The following ZNF436 variants were observed in gnomAD, a reference collection of about 807,000 sequenced individuals.
The protein encoded by ZNF436 is DNA-binding protein.
Under a neutral mutation model 41.9 loss-of-function variants are expected in ZNF436, and 22 were observed. The ratio of observed to expected loss-of-function variants is 0.53; its 90% confidence interval spans 0.38 to 0.75. The LOEUF is 0.75. Among genes scored for constraint, ZNF436 ranks in the 30% least tolerant of loss-of-function variants. ZNF436 has a pLI of 0.00. For synonymous variants in ZNF436, 217 were observed against 197.8 expected (o/e 1.10, Z -0.82); for missense variants, 506 against 587.3 (o/e 0.86, Z 1.43).
At position 23,362,205 on chromosome 1, in the gene ZNF436, T is replaced by G. The variant is rs748131393; in HGVS notation, c.1177A>C (p.Asn393His). The G allele has an allele frequency of 7.4e-6, 12 of 1,613,990 alleles. No homozygotes were observed. The highest frequency in any genetic ancestry group is 1.3e-5 in the African/African-American group (1 of 74,868). ...TCACCAAAGCTTCGCCAACACTCATTACACTCATAAGGCTTCTCTCCAGTG... is the reference window on the plus strand; with the variant it reads ...TCACCAAAGCTTCGCCAACACTCATGACACTCATAAGGCTTCTCTCCAGTG... Reference protein sequence around the residue: ...IHTGEKPYECNECWRSFGERS... With the variant: ...IHTGEKPYECHECWRSFGERS... Residue 393 changes from asparagine to histidine, a missense_variant, in exon 4 of 4, where the codon AAT (asparagine) becomes CAT (histidine). Asn to His is a moderately conservative substitution (Grantham distance 68). Transcript: ENST00000314011.
At position 23,369,714 on chromosome 1, in the gene ZNF436, C is replaced by CT. The variant is rs1438590555; in HGVS notation, c.-410dup. 2.4e-6 allele frequency: 1 copy of CT among 420,876 alleles called. No individual in the cohort carries two copies. The highest frequency in any genetic ancestry group is 2.1e-5 in the African/African-American group (1 of 48,420). The allele number at this position is 420,876 out of a possible 1,614,324, so 26.1% of individuals were successfully genotyped here. A position where few individuals can be genotyped will look rare whatever the true frequency, so the allele number is the denominator to read the frequency against. On this transcript the variant is annotated 5_prime_UTR_variant, in exon 1 of 4. It removes the in-frame stop codon of an upstream open reading frame in the 5' UTR. Transcript: ENST00000314011. ...GCTGGAGTTCCTCGGAACGGGAGGA[C>CT]TCGCAGCTCTCCCTTTCCCCAGCCA...
chr1:23,368,174 CGGGTCA>C, intron 1 of ZNF436, 109 bp from the exon 2 acceptor site: 1 of 690,534 alleles, frequency 1.4e-6, no homozygotes, highest in Non-Finnish European at 2.4e-6. Context: ...GGACCAGGGC[CGGGTCA>C]CTCTCCTCCC....
chr1:23,367,849 G>C lies in ZNF436; in HGVS notation c.33+124C>G, dbSNP rs77956422. ...CTGGCCTGGTACTAGGCCCCTGGAG[G>C]CAGAATATCGAAGCCAGCGAATTAC... On this transcript the variant is annotated intron_variant, in intron 2 of 3. Transcript: ENST00000314011. 4,821 of 1,076,658 alleles carry C rather than the reference G, an allele frequency of 4.5e-3. 20 individuals carry two copies. The highest frequency in any genetic ancestry group is 5.7e-3 in the Non-Finnish European group (4,056 of 713,046). 66.7% of individuals were successfully genotyped at this position (1,076,658 alleles called of 1,614,324 possible). A position where few individuals can be genotyped will look rare whatever the true frequency, so the allele number is the denominator to read the frequency against.
At chr1:23,365,558 A>G (rs1244232630) in intron 3 of ZNF436, among the ~76,000 whole-genome samples, 1 of 150,572 alleles carries the variant, frequency 6.6e-6, no homozygotes, top group Non-Finnish European at 1.5e-5. Flanking sequence ...CACTAAAAAT[A>G]CAAAAATTAG....
chr1:23,369,716 C>A lies in ZNF436; in HGVS notation c.-411G>T. The A allele has an allele frequency of 2.4e-6, 1 of 417,844 alleles. No homozygotes were observed. Among genetic ancestry groups the A allele is most frequent in the Non-Finnish European group, 5.0e-6 (1 of 199,670 alleles). 25.9% of individuals were successfully genotyped at this position (417,844 alleles called of 1,614,324 possible). A position where few individuals can be genotyped will look rare whatever the true frequency, so the allele number is the denominator to read the frequency against. Reference sequence around the variant, plus strand: ...TGGAGTTCCTCGGAACGGGAGGACTCGCAGCTCTCCCTTTCCCCAGCCAGG... The same window carrying A: ...TGGAGTTCCTCGGAACGGGAGGACTAGCAGCTCTCCCTTTCCCCAGCCAGG... On this transcript the variant is annotated 5_prime_UTR_variant, in exon 1 of 4. An upstream open reading frame in the 5' UTR gains an earlier in-frame stop. Transcript: ENST00000314011.
chr1:23,367,927 A>G (rs1327986220), intron 2 of ZNF436, 46 bp downstream of exon 2: 11 of 1,608,568 alleles, frequency 6.8e-6, no homozygotes, highest in Non-Finnish European at 4.3e-6. Flanking sequence ...ACGCCGGACG[A>G]GGTGGGTAAG....
intron 1 of ZNF436, 188 bp downstream of exon 1, chr1:23,369,178 C>CGG (rs561674504): frequency 6.0e-5 from 23 of 385,410 alleles, no homozygotes; most frequent in Middle Eastern, 1.1e-3. Context: ...CAGGCCCCTG[C>CGG]GGGGGGGGCG....
intron 1 of ZNF436, chr1:23,369,130 A>C (rs1386338434): frequency 3.4e-6 from 1 of 289,860 alleles, no homozygotes; most frequent in African/African-American, 2.2e-5. Context: ...GGGACTCAGA[A>C]GCGGGTGGCG....
intron 3 of ZNF436, among the ~76,000 whole-genome samples, chr1:23,363,998 TGCCACC>T (rs1638302481): frequency 6.6e-6 from 1 of 152,000 alleles, no homozygotes. Flanking sequence ...GCTGTGATTG[TGCCACC>T]GCACACCAAT....
chr1:23,363,317 C>G (rs548272806), intron 3 of ZNF436, 96 bp from the exon 4 acceptor site: 17 of 990,046 alleles, frequency 1.7e-5, no homozygotes, highest in Admixed American at 2.7e-5. Context: ...TAGACAGAGT[C>G]TCACTGTGTT....
At chr1:23,368,834 C>T (rs1638426654) in intron 1 of ZNF436, among the ~76,000 whole-genome samples, 1 of 152,222 alleles carries the variant, frequency 6.6e-6, no homozygotes, top group South Asian at 2.1e-4. Flanking sequence ...CCGCCCACTC[C>T]CCAGGGGAGA....
chr1:23,367,198 C>CT (rs1638378503), intron 2 of ZNF436, 30 bp from the exon 3 acceptor site: 2 of 1,575,918 alleles, frequency 1.3e-6, no homozygotes, highest in Admixed American at 3.9e-5. Flanking sequence ...CCCTACTATT[C>CT]TGTATTTAGG....
rs752292460 is a variant in ZNF436 at position 23,362,969 on chromosome 1, T to A, written c.413A>T (p.His138Leu). ...HKEVHTGIRY[H>L]ICSHCGKAFS... ...GGCCTTTCCACAATGAGAACATATATGATAGCGGATGCCTGTGTGGACTTC... is the reference window on the plus strand; with the variant it reads ...GGCCTTTCCACAATGAGAACATATAAGATAGCGGATGCCTGTGTGGACTTC... The change falls in exon 4 of 4, where the codon CAT becomes CTT. Residue 138 changes from histidine to leucine, a missense_variant. His to Leu is a moderately conservative substitution (Grantham distance 99). This residue lies in a region of ZNF436 where 228 missense variants were observed against 215.1 expected (regional missense o/e 1.06). Coordinates refer to ENST00000314011, the MANE Select transcript of ZNF436 (RefSeq NM_001077195.2). 6.2e-7 allele frequency: 1 copy of A among 1,614,226 alleles called. No individual in the cohort carries two copies. Among genetic ancestry groups the A allele is most frequent in the South Asian group, 1.1e-5 (1 of 91,080 alleles).
Position 23,366,893 on chromosome 1 carries a change from A to T in ZNF436, c.160+149T>A, listed in dbSNP as rs1225521407. ...GACAATATGACCTGGATGTTCCCAT[A>T]TTCAAAGATCTGCCTGAGGACTCAA... On this transcript the variant is annotated intron_variant, in intron 3 of 3. Transcript: ENST00000314011. 3 of 844,358 alleles carry T rather than the reference A, an allele frequency of 3.6e-6. No homozygotes were observed. In the East Asian group the frequency reaches 8.2e-5, roughly 23 times the overall value. The allele number at this position is 844,358 out of a possible 1,614,324, so 52.3% of individuals were successfully genotyped here.
Position 23,362,557 on chromosome 1 carries a change from C to G in ZNF436, c.825G>C (p.Glu275Asp). The stretch of plus-strand genomic sequence containing the variant: ...CACATTCGTTACATTCATAAGGTTT[C>G]TCACCCGTGTGGGTCCTCTGGTGCT... The part of the protein sequence containing the change: ...LAQHQRTHTG[E>D]KPYECNECGR... The change falls in exon 4 of 4, where the codon GAG becomes GAC. Residue 275 changes from glutamate (E) to aspartate (D), a missense_variant. Around this residue, in one of 2 missense-constraint regions of ZNF436, gnomAD observed 278 missense variants for 372.1 expected, o/e 0.75. Transcript: ENST00000314011. 6.2e-7 allele frequency: 1 copy of G among 1,613,932 alleles called. No homozygotes were observed. The highest frequency in any genetic ancestry group is 8.5e-7 in the Non-Finnish European group (1 of 1,179,958).
In ZNF436 at chr1:23,369,507, C is replaced by A. The variant is rs1193176639; in HGVS notation, c.-202G>T. On this transcript the variant is annotated 5_prime_UTR_variant, in exon 1 of 4. Coordinates refer to ENST00000314011, the MANE Select transcript of ZNF436 (RefSeq NM_001077195.2). Reference sequence around the variant, plus strand: ...ACGGGCAGGTCCCGGAGGTCTCAGACCCGCAGGTAGATCTCGAATTCGTAG... The same window carrying A: ...ACGGGCAGGTCCCGGAGGTCTCAGAACCGCAGGTAGATCTCGAATTCGTAG... 1 of 531,950 alleles carries A rather than the reference C, an allele frequency of 1.9e-6. No individual in the cohort carries two copies. Among genetic ancestry groups the A allele is most frequent in the Non-Finnish European group, 3.9e-6 (1 of 257,816 alleles). 33.0% of individuals were successfully genotyped at this position (531,950 alleles called of 1,614,324 possible).
chr1:23,369,020 C>A, intron 1 of ZNF436: 1 of 171,032 alleles, frequency 5.8e-6, no homozygotes, highest in South Asian at 1.0e-4. Context: ...GGCTTCGGCG[C>A]TTTAACCCTG....
rs1013528177 is a variant in ZNF436 at position 23,360,955 on chromosome 1, T to C, written c.*1014A>G. The C allele has an allele frequency of 1.3e-5, 2 of 152,596 alleles. No homozygotes were observed. Among genetic ancestry groups the C allele is most frequent in the Admixed American group, 6.5e-5 (1 of 15,288 alleles). 9.5% of individuals were successfully genotyped at this position (152,596 alleles called of 1,614,324 possible). A position where few individuals can be genotyped will look rare whatever the true frequency, so the allele number is the denominator to read the frequency against. On this transcript the variant is annotated 3_prime_UTR_variant, in exon 4 of 4. Coordinates refer to ENST00000314011, the MANE Select transcript of ZNF436 (RefSeq NM_001077195.2). Reference sequence around the variant, plus strand: ...CCACAGGAATACACATTACTGTACATACACATGCCCTGATGCAAGCTAAGA... The same window carrying C: ...CCACAGGAATACACATTACTGTACACACACATGCCCTGATGCAAGCTAAGA...
rs1316318904 is a variant in ZNF436, at chr1:23,359,516, AC to A, written c.*2452del. 3 of 152,248 alleles carry A rather than the reference AC, an allele frequency of 2.0e-5. No individual in the cohort carries two copies. Among genetic ancestry groups the A allele is most frequent in the Non-Finnish European group, 4.4e-5 (3 of 68,042 alleles). 9.4% of individuals were successfully genotyped at this position (152,248 alleles called of 1,614,324 possible). ...TAATACAAACACTAGGATAACTGTG[AC>A]CAATACCATAAGGAAAACTGTTCTA... is the stretch of plus-strand genomic sequence containing the variant. On this transcript the variant is annotated 3_prime_UTR_variant, in exon 4 of 4. Coordinates refer to ENST00000314011, the MANE Select transcript of ZNF436 (RefSeq NM_001077195.2).
Sources: gnomAD v4.1 joint callset for allele counts (sites outside exome capture counted in the v4.1 genomes callset) on GRCh38, gnomAD v4.1.1 for gene constraint, gnomAD v4.1.1 regional missense constraint, MANE v1.5 for transcripts, NCBI Gene and HGNC (gene_info 2026-07-23, HGNC 2026-07-21) for gene names.